Variants in MPZL2 observed in about 807,000 individuals in gnomAD.
The protein encoded by MPZL2 is myelin protein zero-like protein 2.
MPZL2 carries 32 observed loss-of-function variants against 24.5 expected under a neutral mutation model. That is an observed-to-expected ratio of 1.31 (90% CI 0.99 to 1.76). The LOEUF (loss-of-function observed/expected upper bound fraction) is 1.76. Ranked by LOEUF, MPZL2 falls within the 40% of genes most tolerant of loss-of-function variation. The pLI is 0.00. For missense variants in MPZL2, 304 were observed against 274.9 expected (o/e 1.11, Z -0.75); for synonymous variants, 92 against 97.9 (o/e 0.94, Z 0.36).
rs775996641 is a variant in MPZL2 at position 118,264,166 on chromosome 11, G to C, written c.-13C>G. 3 of 1,614,022 alleles carry C rather than the reference G, an allele frequency of 1.9e-6. No individual in the cohort carries two copies. Among genetic ancestry groups the C allele is most frequent in the South Asian group, 1.1e-5 (1 of 91,078 alleles). On this transcript the variant is annotated 5_prime_UTR_variant, in exon 1 of 6. Coordinates refer to ENST00000278937, the MANE Select transcript of MPZL2 (RefSeq NM_005797.4). ...TCTTGCCATACATGAGGGAAACCCA[G>C]CCTTGGCCCCAGAGACCGGACGGGG...
intron 4 of MPZL2, among the ~76,000 whole-genome samples, chr11:118,258,215 T>C (rs1276189398): frequency 1.3e-5 from 2 of 152,140 alleles, no homozygotes; most frequent in African/African-American, 2.4e-5. Flanking sequence ...CTTCATGATC[T>C]TGGGGATTAG....
chr11:118,257,751 C>T lies in MPZL2; in HGVS notation c.585-438G>A, dbSNP rs186900694. 3.2e-3 allele frequency: 498 copies of T among 153,882 alleles called. 9 individuals are homozygous for T. The highest frequency in any genetic ancestry group is 5.3e-4 in the Non-Finnish European group (37 of 69,212). The allele number at this position is 153,882 out of a possible 1,614,324, so 9.5% of individuals were successfully genotyped here. ...GTTTCGCCAGGCGCGGTGGCTCACGCTGTAATCCCAACACTTTGGAAGGCC... is the reference window on the plus strand; with the variant it reads ...GTTTCGCCAGGCGCGGTGGCTCACGTTGTAATCCCAACACTTTGGAAGGCC... On this transcript the variant is annotated intron_variant, in intron 4 of 5. Coordinates refer to ENST00000278937, the MANE Select transcript of MPZL2 (RefSeq NM_005797.4).
chr11:118,259,961 A>G (rs1480281378), intron 4 of MPZL2, 93 bp downstream of exon 4: 2 of 1,425,128 alleles, frequency 1.4e-6, no homozygotes, highest in African/African-American at 2.9e-5. Flanking sequence ...ACTTAAAGGG[A>G]AAAACATCTG....
At position 118,263,321 on chromosome 11, in the gene MPZL2, T is replaced by C. The variant is rs189554439; in HGVS notation, c.59-224A>G. ...AACTAAACTACCACACAGCAAGCCT[T>C]CGCAGTGCTTTTACTTTCTCCACAG... On this transcript the variant is annotated intron_variant, in intron 1 of 5. Coordinates refer to ENST00000278937, the MANE Select transcript of MPZL2 (RefSeq NM_005797.4). 8.1e-3 allele frequency: 3,982 copies of C among 492,344 alleles called. 24 individuals carry two copies. The highest frequency in any genetic ancestry group is 0.015 in the Middle Eastern group (29 of 1,882). 30.5% of individuals were successfully genotyped at this position (492,344 alleles called of 1,614,324 possible). A position where few individuals can be genotyped will look rare whatever the true frequency, so the allele number is the denominator to read the frequency against.
Position 118,256,434 on chromosome 11 carries a change from G to A in MPZL2, c.*12+804C>T, listed in dbSNP as rs58679990. ...TTTGGGAGGCTGAGGCAGGTGGATC[G>A]CTTGAGCTCAGGTGAGACCAGCCTA... On this transcript the variant is annotated intron_variant, in intron 5 of 5. Coordinates refer to ENST00000278937, the MANE Select transcript of MPZL2 (RefSeq NM_005797.4). Among the ~76,000 whole-genome samples the A allele has an allele frequency of 9.5e-3, 1,440 of 152,170 alleles. 22 individuals carry two copies. The highest frequency in any genetic ancestry group is 0.033 in the African/African-American group (1,349 of 41,506).
intron 5 of MPZL2, among the ~76,000 whole-genome samples, chr11:118,256,519 G>A (rs951760083): frequency 1.3e-4 from 19 of 151,984 alleles, no homozygotes; most frequent in East Asian, 3.9e-4. Context: ...GTGTAGTGGC[G>A]CGCACCTGTG....
At position 118,263,034 on chromosome 11, in the gene MPZL2, G is replaced by T; in HGVS notation, c.122C>A (p.Thr41Lys). The change falls in exon 2 of 6, where the codon ACA becomes AAA. Residue 41 changes from threonine to lysine, a missense_variant. Thr to Lys is a moderately conservative substitution (Grantham distance 78). Transcript: ENST00000278937. ...GAAAGTGCATTTTAACCGAGCATCTGTCCCATTAACAGCCTCCAGCACCCG... is the reference window on the plus strand; with the variant it reads ...GAAAGTGCATTTTAACCGAGCATCTTTCCCATTAACAGCCTCCAGCACCCG... ...TSRVLEAVNGTDARLKCTFSS... is the reference protein window; with the variant it reads ...TSRVLEAVNGKDARLKCTFSS... 1 of 1,614,168 alleles carries T rather than the reference G, an allele frequency of 6.2e-7. No individual in the cohort carries two copies. The highest frequency in any genetic ancestry group is 8.5e-7 in the Non-Finnish European group (1 of 1,180,016).
At chr11:118,263,990 G>T in intron 1 of MPZL2, 106 bp downstream of exon 1, 1 of 1,184,612 alleles carries the variant, frequency 8.4e-7, no homozygotes, top group South Asian at 1.3e-5. Context: ...CTGTATCTGT[G>T]GCTCAGGCTC....
Position 118,257,231 on chromosome 11 carries a change from A to AC in MPZL2, c.*12+6dup. 6.3e-7 allele frequency: 1 copy of AC among 1,598,006 alleles called. No homozygotes were observed. The highest frequency in any genetic ancestry group is 8.6e-7 in the Non-Finnish European group (1 of 1,167,598). On this transcript the variant is annotated splice_region_variant and intron_variant, in intron 5 of 5. Transcript: ENST00000278937. ...AAGAAAGAAATCAACCTATTTGTGA[A>AC]CCTTACCATCTAAAATTGTTAGTCT...
intron 3 of MPZL2, among the ~76,000 whole-genome samples, chr11:118,260,849 G>A (rs913935592): frequency 9.9e-5 from 15 of 152,178 alleles, no homozygotes; most frequent in African/African-American, 2.9e-4. Flanking sequence ...ACTAGAGTCT[G>A]TGAACCCTGG....
At chr11:118,255,624 C>T (rs1949655166) in intron 5 of MPZL2, among the ~76,000 whole-genome samples, 1 of 152,058 alleles carries the variant, frequency 6.6e-6, no homozygotes, top group Non-Finnish European at 1.5e-5. Flanking sequence ...CTTTTCTCCC[C>T]TCATCTCCCC....
chr11:118,261,261 G>A (rs1392615490), intron 3 of MPZL2, among the ~76,000 whole-genome samples: 1 of 152,136 alleles, frequency 6.6e-6, no homozygotes, highest in African/African-American at 2.4e-5. Flanking sequence ...GTTTTAAACT[G>A]TACTATGAAT....
At chr11:118,261,811 G>A (rs1033671450) in intron 3 of MPZL2, among the ~76,000 whole-genome samples, 4 of 152,178 alleles carry the variant, frequency 2.6e-5, no homozygotes, top group African/African-American at 7.2e-5. Context: ...TTGGGTTTGA[G>A]TCCTAAGTTA....
chr11:118,263,944 C>T (rs1949720930), intron 1 of MPZL2, 152 bp downstream of exon 1: 1 of 749,030 alleles, frequency 1.3e-6, no homozygotes, highest in Non-Finnish European at 2.2e-6. Context: ...AACAGTCCAC[C>T]AACTTTGGTT....
intron 1 of MPZL2, 43 bp from the exon 2 acceptor site, chr11:118,263,140 A>G: frequency 6.3e-7 from 1 of 1,578,892 alleles, no homozygotes; most frequent in Non-Finnish European, 8.6e-7. Flanking sequence ...CAGGGGATGT[A>G]GTATTGTGAG....
At chr11:118,259,857 A>C in intron 4 of MPZL2, 197 bp downstream of exon 4, 1 of 562,562 alleles carries the variant, frequency 1.8e-6, no homozygotes, top group Non-Finnish European at 2.9e-6. Context: ...TCCCATAAGG[A>C]AATATTTTGT....
At chr11:118,257,950 C>T (rs1377648222) in intron 4 of MPZL2, among the ~76,000 whole-genome samples, 5 of 151,558 alleles carry the variant, frequency 3.3e-5, no homozygotes, top group Non-Finnish European at 7.4e-5. Flanking sequence ...GCGGAGGTTG[C>T]AGTGAGCTGA....
rs1277696556 is a variant in MPZL2 at position 118,264,085 on chromosome 11, C to G, written c.58+11G>C. The G allele has an allele frequency of 3.1e-6, 5 of 1,613,896 alleles. No individual in the cohort carries two copies. The highest frequency in any genetic ancestry group is 4.2e-6 in the Non-Finnish European group (5 of 1,179,808). ...AGGAGGAAACTCTGAGAGAAGCCCG[C>G]CGGCTCTTACCTGTGAGCTGTATGC... On this transcript the variant is annotated intron_variant, in intron 1 of 5. Transcript: ENST00000278937.
chr11:118,259,889 A>G (rs979801959), intron 4 of MPZL2, 165 bp downstream of exon 4: 7 of 699,058 alleles, frequency 1.0e-5, no homozygotes, highest in Non-Finnish European at 1.1e-5. Flanking sequence ...AGCTTTTGTA[A>G]AGTTACTAGT....
Sources: gnomAD v4.1 joint callset for allele counts (sites outside exome capture counted in the v4.1 genomes callset) on GRCh38, gnomAD v4.1.1 for gene constraint, MANE v1.5 for transcripts, NCBI Gene and HGNC (gene_info 2026-07-23, HGNC 2026-07-21) for gene names.